DIS3L2: variants seen among roughly 807,000 people sequenced by gnomAD.
DIS3L2 encodes the protein DIS3 like 3'-5' exoribonuclease 2.
A neutral mutation model predicts 97.5 loss-of-function variants in DIS3L2; 34 were observed. The ratio of observed to expected loss-of-function variants is 0.35; its 90% CI spans 0.27 to 0.46. DIS3L2 has a LOEUF of 0.46. Among genes scored for constraint, DIS3L2 ranks in the 20% least tolerant of loss-of-function variants. The pLI is 1.00. For synonymous variants in DIS3L2, 435 were observed against 445.2 expected (o/e 0.98, Z 0.29); for missense variants, 1,038 against 1,146.0 (o/e 0.91, Z 1.36).
At chr2:232,085,605 G>T (rs1016097306) in intron 5 of DIS3L2, among the ~76,000 whole-genome samples, 4 of 152,148 alleles carry the variant, frequency 2.6e-5, no homozygotes, top group Admixed American at 1.3e-4. Context: ...AAAGGATGCA[G>T]TATTCAAGTA....
At position 232,281,694 on chromosome 2, in the gene DIS3L2, G is replaced by A. The variant is rs1253735447; in HGVS notation, c.1659+18254G>A. ...ATATGCCCAGGTTTCTGACAGGCAG[G>A]AAGACGTGCCACCCAGGAGCATCAT... On this transcript the variant is annotated intron_variant, in intron 13 of 20. Transcript: ENST00000325385. This position sits in a 1 kb window ranked among gnomAD's most constrained non-coding sequence, Gnocchi z 4.1. Among the ~76,000 whole-genome samples the A allele has an allele frequency of 6.6e-6, 1 of 152,172 alleles. No individual in the cohort carries two copies. The highest frequency in any genetic ancestry group is 1.5e-5 in the Non-Finnish European group (1 of 68,026).
At chr2:232,261,148 G>A (rs549313672) in intron 12 of DIS3L2, among the ~76,000 whole-genome samples, 4 of 152,220 alleles carry the variant, frequency 2.6e-5, no homozygotes, top group Admixed American at 1.3e-4. Context: ...ATAGATTGGG[G>A]TTCTGTGATA....
intron 4 of DIS3L2, among the ~76,000 whole-genome samples, chr2:232,025,472 C>T (rs1276976490): frequency 1.3e-5 from 2 of 152,134 alleles, no homozygotes; most frequent in Admixed American, 1.3e-4. Context: ...CACATTGCAT[C>T]CAAGTTCGAG....
intron 5 of DIS3L2, among the ~76,000 whole-genome samples, chr2:232,036,483 G>A (rs1280879407): frequency 6.6e-6 from 1 of 152,144 alleles, no homozygotes; most frequent in Non-Finnish European, 1.5e-5. Flanking sequence ...TTAGCTCGGA[G>A]GAGTTTGTTA....
At chr2:232,172,420 T>G (rs1691017474) in intron 9 of DIS3L2, among the ~76,000 whole-genome samples, 1 of 152,220 alleles carries the variant, frequency 6.6e-6, no homozygotes, top group East Asian at 1.9e-4. Context: ...CTGACGTGGT[T>G]TACTTGACAT....
intron 10 of DIS3L2, among the ~76,000 whole-genome samples, chr2:232,221,660 T>C (rs1692511498): frequency 6.6e-6 from 1 of 151,786 alleles, no homozygotes; most frequent in Non-Finnish European, 1.5e-5. Flanking sequence ...AAAAATTAGC[T>C]GGGCATGGCG....
At chr2:232,192,427 T>TA (rs1280788198) in intron 9 of DIS3L2, among the ~76,000 whole-genome samples, 3 of 151,850 alleles carry the variant, frequency 2.0e-5, no homozygotes, top group East Asian at 1.9e-4. Flanking sequence ...CCCTTAATTT[T>TA]AAAAAAAAGT....
At chr2:231,998,976 T>C (rs1693802488) in intron 1 of DIS3L2, among the ~76,000 whole-genome samples, 1 of 152,200 alleles carries the variant, frequency 6.6e-6, no homozygotes, top group African/African-American at 2.4e-5. Context: ...TTTTTGAGTA[T>C]TTTCTTACTT....
intron 8 of DIS3L2, among the ~76,000 whole-genome samples, chr2:232,137,012 G>A (rs1433987159): frequency 1.3e-5 from 2 of 152,078 alleles, no homozygotes; most frequent in African/African-American, 4.8e-5. Context: ...TTGTACTTGT[G>A]TACCACAGAT....
chr2:232,013,588 CT>C (rs1348294584), intron 1 of DIS3L2, among the ~76,000 whole-genome samples: 1 of 152,198 alleles, frequency 6.6e-6, no homozygotes, highest in African/African-American at 2.4e-5. Context: ...TGGAGATACT[CT>C]TTCTCTCCTG....
intron 6 of DIS3L2, among the ~76,000 whole-genome samples, chr2:232,126,967 T>C (rs1046116137): frequency 6.6e-6 from 1 of 152,206 alleles, no homozygotes; most frequent in African/African-American, 2.4e-5. Flanking sequence ...GGAACATCTA[T>C]ATCTATATAT....
chr2:232,174,696 CCTTT>C (rs1691100082), intron 9 of DIS3L2, among the ~76,000 whole-genome samples: 1 of 151,700 alleles, frequency 6.6e-6, no homozygotes, highest in African/African-American at 2.4e-5. Context: ...TTTACCTCTT[CCTTT>C]CTAATTTAGA....
chr2:232,049,052 G>T (rs1447548283), intron 5 of DIS3L2, among the ~76,000 whole-genome samples: 6 of 151,956 alleles, frequency 3.9e-5, no homozygotes, highest in African/African-American at 1.2e-4. Flanking sequence ...TATTATAATT[G>T]TTTCAGGCAC....
intron 13 of DIS3L2, among the ~76,000 whole-genome samples, chr2:232,274,346 G>A (rs933125808): frequency 6.6e-6 from 1 of 152,152 alleles, no homozygotes; most frequent in African/African-American, 2.4e-5. Flanking sequence ...CACACTGCAC[G>A]TCCTTGCCCT....
intron 13 of DIS3L2, among the ~76,000 whole-genome samples, chr2:232,291,143 A>G (rs1694587256): frequency 6.6e-6 from 1 of 152,236 alleles, no homozygotes; most frequent in Non-Finnish European, 1.5e-5. Flanking sequence ...GGAGAAAGAA[A>G]TTTAATACAT....
intron 5 of DIS3L2, among the ~76,000 whole-genome samples, chr2:232,031,958 A>G (rs1056841372): frequency 6.6e-5 from 10 of 152,140 alleles, no homozygotes; most frequent in Non-Finnish European, 1.3e-4. Context: ...GCTACAATAA[A>G]CATATGTGTG....
intron 13 of DIS3L2, among the ~76,000 whole-genome samples, chr2:232,277,265 G>A (rs964185025): frequency 2.0e-5 from 3 of 152,104 alleles, no homozygotes; most frequent in Admixed American, 6.5e-5. Context: ...TGAACATCAC[G>A]CCCCAAGTCA....
Position 232,337,145 on chromosome 2 carries a change from G to C in DIS3L2, c.*515G>C. On this transcript the variant is annotated 3_prime_UTR_variant, in exon 21 of 21. Coordinates refer to ENST00000325385, the MANE Select transcript of DIS3L2 (RefSeq NM_152383.5). ...AGAGCTGGCTGCCTGGCAGATGATTGATACTGGAGTCTCATTCTGCCTGAT... is the reference window on the plus strand; with the variant it reads ...AGAGCTGGCTGCCTGGCAGATGATTCATACTGGAGTCTCATTCTGCCTGAT... 3.0e-6 allele frequency: 3 copies of C among 1,007,250 alleles called. No homozygotes were observed. Among genetic ancestry groups the C allele is most frequent in the Non-Finnish European group, 3.5e-6 (3 of 845,454 alleles). The allele number at this position is 1,007,250 out of a possible 1,614,324, so 62.4% of individuals were successfully genotyped here.
intron 5 of DIS3L2, among the ~76,000 whole-genome samples, chr2:232,042,887 G>A (rs1448950486): frequency 6.6e-6 from 1 of 152,172 alleles, no homozygotes; most frequent in Admixed American, 6.5e-5. Flanking sequence ...GGGCAGTGAT[G>A]GCACATTCTA....
Sources: gnomAD v4.1 joint callset for allele counts (sites outside exome capture counted in the v4.1 genomes callset) on GRCh38, gnomAD v4.1.1 for gene constraint, Gnocchi (gnomAD v3.1) non-coding constraint, MANE v1.5 for transcripts, NCBI Gene and HGNC (gene_info 2026-07-23, HGNC 2026-07-21) for gene names.